SEC24A: variants seen among roughly 807,000 people sequenced by gnomAD.
SEC24A encodes protein transport protein Sec24A.
Under a neutral mutation model 129.4 loss-of-function variants are expected in SEC24A, and 93 were observed. The observed-to-expected ratio is 0.72, with a 90% CI of 0.61 to 0.85. The LOEUF is 0.85. Among genes scored for constraint, SEC24A ranks in the 40% least tolerant of loss-of-function variants. The probability of loss-of-function intolerance (pLI) is 0.00; values close to 1 mark genes in which losing one functional copy is unlikely to be tolerated. For synonymous variants in SEC24A, 460 were observed against 467.3 expected (o/e 0.98, Z 0.20); for missense variants, 1,264 against 1,307.4 (o/e 0.97, Z 0.51).
chr5:134,705,602 C>A (rs1328133420), intron 17 of SEC24A, among the ~76,000 whole-genome samples, 165 bp downstream of exon 17: 1 of 152,102 alleles, frequency 6.6e-6, no homozygotes, highest in East Asian at 1.9e-4. Context: ...ATAATCTTAT[C>A]TTTTTTGTTT....
chr5:134,703,907 A>T lies in SEC24A; in HGVS notation c.2415A>T (p.Ser805=). 1 of 1,606,872 alleles carries T rather than the reference A, an allele frequency of 6.2e-7. No individual in the cohort carries two copies. Among genetic ancestry groups the T allele is most frequent in the South Asian group, 1.1e-5 (1 of 90,696 alleles). Residue 805 remains serine (S), a synonymous_variant, in exon 16 of 23, where the codon TCA becomes TCT. Coordinates refer to ENST00000398844, the MANE Select transcript of SEC24A (RefSeq NM_021982.3). ...ACACTCAGTTGGTTTCTTTTCAGTC[A>T]GCACTCTTGTATACATCCAGCAAAG... is the stretch of plus-strand genomic sequence containing the variant. ...LTDTQLVSFQ[S]ALLYTSSKGE... is the part of the protein sequence containing the mutation.
At chr5:134,655,516 G>A (rs921152980) in intron 1 of SEC24A, among the ~76,000 whole-genome samples, 1 of 151,966 alleles carries the variant, frequency 6.6e-6, no homozygotes, top group Admixed American at 6.6e-5. Context: ...GGGTGTGGTG[G>A]CGTGCGCCTG....
At chr5:134,716,255 G>A (rs1752472600) in intron 19 of SEC24A, among the ~76,000 whole-genome samples, 1 of 151,886 alleles carries the variant, frequency 6.6e-6, no homozygotes, top group African/African-American at 2.4e-5. Flanking sequence ...GAGGTCCAGA[G>A]TTCAAGACTA....
chr5:134,677,666 G>A (rs1438706414), intron 7 of SEC24A, among the ~76,000 whole-genome samples: 4 of 151,436 alleles, frequency 2.6e-5, no homozygotes, highest in Admixed American at 6.6e-5. Flanking sequence ...GGTGAAACTC[G>A]TCTCTACCAG....
intron 3 of SEC24A, 136 bp from the exon 4 acceptor site, chr5:134,671,667 ATTTTTT>A (rs1750868254): frequency 3.9e-6 from 2 of 518,994 alleles, no homozygotes; most frequent in African/African-American, 4.0e-5. Flanking sequence ...AAAAACTTGG[ATTTTTT>A]ATGTTGTTAA....
chr5:134,657,696 C>G (rs1183737347), intron 1 of SEC24A, among the ~76,000 whole-genome samples: 8 of 152,092 alleles, frequency 5.3e-5, no homozygotes, highest in Admixed American at 5.3e-4. Context: ...CCCGCCTCAG[C>G]CTCCCAAGTA....
In SEC24A at chr5:134,648,806, CCTT is replaced by C. The variant is rs1046327814; in HGVS notation, c.-268_-266del. On this transcript the variant is annotated 5_prime_UTR_variant, in exon 1 of 23. Transcript: ENST00000398844. ...AGGCACTTCCGGCCAGGGCCTCCCTCCTTCTCTCTAGGTTTGGCTGCCGCCTTC... is the reference window on the plus strand; with the variant it reads ...AGGCACTTCCGGCCAGGGCCTCCCTCCTCTCTAGGTTTGGCTGCCGCCTTC... The C allele has an allele frequency of 2.3e-5, 7 of 308,930 alleles. No homozygotes were observed. Among genetic ancestry groups the C allele is most frequent in the South Asian group, 8.1e-5 (1 of 12,360 alleles). The allele number at this position is 308,930 out of a possible 1,614,324, so 19.1% of individuals were successfully genotyped here.
chr5:134,667,777 A>G (rs1208885424), intron 3 of SEC24A, among the ~76,000 whole-genome samples: 1 of 152,170 alleles, frequency 6.6e-6, no homozygotes, highest in African/African-American at 2.4e-5. Flanking sequence ...GAAAAATACA[A>G]GCTTTTGAAA....
intron 10 of SEC24A, among the ~76,000 whole-genome samples, chr5:134,687,549 G>A (rs1182786286): frequency 2.0e-5 from 3 of 152,124 alleles, no homozygotes; most frequent in Non-Finnish European, 2.9e-5. Context: ...TGGTGTGGAG[G>A]CATATAGAAG....
At chr5:134,719,030 T>C (rs930121278) in intron 20 of SEC24A, among the ~76,000 whole-genome samples, 3 of 152,014 alleles carry the variant, frequency 2.0e-5, no homozygotes, top group Non-Finnish European at 4.4e-5. Context: ...AAGAATATTT[T>C]TGTACAACTG....
At chr5:134,710,482 C>T (rs1318035789) in intron 18 of SEC24A, among the ~76,000 whole-genome samples, 2 of 152,168 alleles carry the variant, frequency 1.3e-5, no homozygotes, top group South Asian at 2.1e-4. Context: ...ATCCTCCCAC[C>T]TCATCCTCCT....
At chr5:134,721,241 C>T (rs1373141752) in intron 21 of SEC24A, 151 bp downstream of exon 21, 4 of 583,444 alleles carry the variant, frequency 6.9e-6, no homozygotes, top group African/African-American at 5.7e-5. Flanking sequence ...TATGACTCCA[C>T]TCATAGAATC....
At chr5:134,693,272 C>A in intron 12 of SEC24A, 1 of 1,422,884 alleles carries the variant, frequency 7.0e-7, no homozygotes, top group Non-Finnish European at 9.2e-7. Context: ...TACAACCTAA[C>A]CTGTAAAGGT....
chr5:134,721,037 T>C lies in SEC24A; in HGVS notation c.3010T>C (p.Phe1004Leu). 1 of 1,613,176 alleles carries C rather than the reference T, an allele frequency of 6.2e-7. No homozygotes were observed. The highest frequency in any genetic ancestry group is 1.7e-4 in the Middle Eastern group (1 of 6,060). Residue 1004 changes from phenylalanine (F) to leucine (L), a missense_variant, in exon 21 of 23, where the codon TTT (phenylalanine) becomes CTT (leucine). Transcript: ENST00000398844. ...LWVGKNCTQNFLSQVLGVQNY... is the reference protein window; with the variant it reads ...LWVGKNCTQNLLSQVLGVQNY... ...GGTTGGAAAAAATTGTACACAGAAT[T>C]TTCTCAGCCAAGTTCTAGGAGTTCA... is the stretch of plus-strand genomic sequence containing the variant.
chr5:134,650,263 T>G (rs1478397675), intron 1 of SEC24A, among the ~76,000 whole-genome samples: 1 of 152,174 alleles, frequency 6.6e-6, no homozygotes, highest in East Asian at 1.9e-4. Flanking sequence ...GGTAACAGAT[T>G]ATGTACACTA....
intron 4 of SEC24A, among the ~76,000 whole-genome samples, chr5:134,672,473 C>G (rs948188142): frequency 6.6e-6 from 1 of 151,824 alleles, no homozygotes; most frequent in Non-Finnish European, 1.5e-5. Flanking sequence ...TAGGCATGAG[C>G]CACCATGCCC....
At chr5:134,672,313 A>G (rs1175934392) in intron 4 of SEC24A, among the ~76,000 whole-genome samples, 1 of 152,096 alleles carries the variant, frequency 6.6e-6, no homozygotes, top group Non-Finnish European at 1.5e-5. Context: ...TAAGCCTCCC[A>G]GTTAGCTGGT....
intron 22 of SEC24A, 124 bp downstream of exon 22, chr5:134,723,794 C>G (rs1752687142): frequency 1.6e-6 from 1 of 619,920 alleles, no homozygotes. Flanking sequence ...AGCAGTAAAT[C>G]ATACCTTATA....
In SEC24A at chr5:134,721,361, G is replaced by A. The variant is rs1211697372; in HGVS notation, c.3063+271G>A. Among the ~76,000 whole-genome samples, 5 of 151,488 alleles carry A rather than the reference G, an allele frequency of 3.3e-5. No individual in the cohort carries two copies. The South Asian group carries it at 1.0e-3, about 32-fold the overall frequency. ...GGGCTGATCACGAGGTCAAGAGATC[G>A]AGACCATCCTGGCCAACATGGTGAA... is the stretch of plus-strand genomic sequence containing the variant. On this transcript the variant is annotated intron_variant, in intron 21 of 22. Coordinates refer to ENST00000398844, the MANE Select transcript of SEC24A (RefSeq NM_021982.3).
Sources: gnomAD v4.1 joint callset for allele counts (sites outside exome capture counted in the v4.1 genomes callset) on GRCh38, gnomAD v4.1.1 for gene constraint, MANE v1.5 for transcripts, NCBI Gene and HGNC (gene_info 2026-07-23, HGNC 2026-07-21) for gene names.